The following RANBP2 variants were observed in gnomAD, a reference collection of about 807,000 sequenced individuals.
RANBP2 encodes E3 SUMO-protein ligase RanBP2.
Under a neutral mutation model 303.6 loss-of-function variants are expected in RANBP2, and 57 were observed. That is an observed-to-expected ratio of 0.19 (90% CI 0.15 to 0.23). RANBP2 has a LOEUF of 0.23. Ranked by LOEUF, RANBP2 falls within the 10% of genes least tolerant of loss-of-function variation. RANBP2 has a pLI of 1.00. For missense variants in RANBP2, 3,138 were observed against 3,780.8 expected (o/e 0.83, Z 4.46); for synonymous variants, 1,167 against 1,301.5 (o/e 0.90, Z 2.23).
chr2:109,109,407 T>C, the RANBP2 span, among the ~76,000 whole-genome samples: 1 of 152,240 alleles, frequency 6.6e-6, no homozygotes, highest in Non-Finnish European at 1.5e-5. Context: ...GTTCTAGCTG[T>C]GAATTTCATT....
the RANBP2 span, among the ~76,000 whole-genome samples, chr2:108,887,174 C>T: frequency 2.0e-5 from 3 of 147,564 alleles, no homozygotes; most frequent in Non-Finnish European, 3.0e-5. Context: ...TTGGCTTTGT[C>T]AAAGATCACT....
At chr2:109,599,972 A>G in the RANBP2 span, among the ~76,000 whole-genome samples, 2 of 152,064 alleles carry the variant, frequency 1.3e-5, no homozygotes. Flanking sequence ...CGCCATTCTG[A>G]TTCTCCCTTC....
At chr2:109,207,667 A>T in the RANBP2 span, among the ~76,000 whole-genome samples, 2 of 152,172 alleles carry the variant, frequency 1.3e-5, no homozygotes, top group African/African-American at 4.8e-5. Context: ...GGTGCCACCT[A>T]TAGAATTTGG....
chr2:109,561,617 A>G, the RANBP2 span, among the ~76,000 whole-genome samples: 6 of 152,028 alleles, frequency 3.9e-5, no homozygotes, highest in African/African-American at 1.4e-4. Context: ...AACCTACTCA[A>G]ACTCTTCACC....
At chr2:108,726,441 T>G (rs1330776033) in intron 1 of RANBP2, among the ~76,000 whole-genome samples, 18 of 150,314 alleles carry the variant, frequency 1.2e-4, no homozygotes, top group Middle Eastern at 6.9e-3. Context: ...TTTTTTTGTT[T>G]TTTTTTTTTT....
the RANBP2 span, among the ~76,000 whole-genome samples, chr2:108,958,875 G>A: frequency 3.2e-4 from 49 of 151,750 alleles, no homozygotes; most frequent in South Asian, 9.4e-3. Flanking sequence ...CTGGGAAAAG[G>A]CACCAAGTTT....
chr2:108,910,827 TC>T, the RANBP2 span: 1 of 1,613,952 alleles, frequency 6.2e-7, no homozygotes, highest in Middle Eastern at 1.7e-4. Flanking sequence ...TCCACGCTCT[TC>T]CCCGGGTGGC....
At chr2:109,715,460 G>A in the RANBP2 span, among the ~76,000 whole-genome samples, 18 of 152,208 alleles carry the variant, frequency 1.2e-4, no homozygotes, top group Admixed American at 7.9e-4. Flanking sequence ...GGCTCACTTA[G>A]GCTATTGTAA....
At chr2:109,221,492 G>T in the RANBP2 span, among the ~76,000 whole-genome samples, 2 of 150,376 alleles carry the variant, frequency 1.3e-5, no homozygotes, top group Non-Finnish European at 1.5e-5. Context: ...CTGAGGCAGA[G>T]AATTGCTTGA....
chr2:108,750,215 G>T (rs1328466663), intron 9 of RANBP2, among the ~76,000 whole-genome samples: 1 of 152,262 alleles, frequency 6.6e-6, no homozygotes, highest in Non-Finnish European at 1.5e-5. Flanking sequence ...CTAAATGGTT[G>T]TTTATGTATG....
the RANBP2 span, among the ~76,000 whole-genome samples, chr2:109,375,174 T>C: frequency 6.6e-6 from 1 of 152,264 alleles, no homozygotes; most frequent in African/African-American, 2.4e-5. Flanking sequence ...CCCTGGGCAC[T>C]GACCCCATCT....
chr2:108,801,957 C>A, the RANBP2 span, among the ~76,000 whole-genome samples: 1 of 74,280 alleles, frequency 1.3e-5, no homozygotes, highest in African/African-American at 4.2e-5. Context: ...GGCGTTATTT[C>A]TGAGGGCTCT....
At chr2:109,138,871 A>G in the RANBP2 span, among the ~76,000 whole-genome samples, 1 of 152,240 alleles carries the variant, frequency 6.6e-6, no homozygotes, top group South Asian at 2.1e-4. Context: ...AAGCACTGGA[A>G]TATACATTGT....
chr2:109,418,855 C>T, the RANBP2 span, among the ~76,000 whole-genome samples: 1 of 152,104 alleles, frequency 6.6e-6, no homozygotes, highest in East Asian at 1.9e-4. Flanking sequence ...GCAGTGCTGC[C>T]CTGCATGGGC....
chr2:109,474,325 G>A, the RANBP2 span, among the ~76,000 whole-genome samples: 1 of 152,166 alleles, frequency 6.6e-6, no homozygotes, highest in South Asian at 2.1e-4. Flanking sequence ...CTGTTTGAGA[G>A]GAGAAACCCC....
At chr2:109,452,929 CCCGGGAGGCTGGTG>C in the RANBP2 span, among the ~76,000 whole-genome samples, 3 of 145,740 alleles carry the variant, frequency 2.1e-5, no homozygotes, top group Non-Finnish European at 4.5e-5. Flanking sequence ...GGAGGCTGGT[CCCGGGAGGCTGGTG>C]CCGGGAGGCT....
the RANBP2 span, among the ~76,000 whole-genome samples, chr2:109,257,720 C>A: frequency 1.3e-5 from 2 of 152,136 alleles, no homozygotes; most frequent in Non-Finnish European, 2.9e-5. Context: ...ACAGTTAGAG[C>A]TCCCTGTCTC....
the RANBP2 span, among the ~76,000 whole-genome samples, chr2:108,985,168 A>AG: frequency 6.6e-6 from 1 of 152,180 alleles, no homozygotes; most frequent in African/African-American, 2.4e-5. Context: ...ATTTGGGCTC[A>AG]CCTTTTAGTT....
At chr2:108,878,806 C>T in the RANBP2 span, among the ~76,000 whole-genome samples, 1 of 152,062 alleles carries the variant, frequency 6.6e-6, no homozygotes, top group African/African-American at 2.4e-5. Context: ...CTACAATCTT[C>T]TACATTATCA....
Sources: allele counts gnomAD v4.1 joint callset (sites outside exome capture counted in the v4.1 genomes callset), GRCh38; gene constraint gnomAD v4.1.1; transcripts MANE v1.5; gene names NCBI Gene and HGNC (gene_info 2026-07-23, HGNC 2026-07-21).